Variants in PLCB1 observed in about 807,000 individuals in gnomAD.
PLCB1 encodes the protein phospholipase C beta 1, also known as 1-phosphatidylinositol 4,5-bisphosphate phosphodiesterase beta-1.
A neutral mutation model predicts 161.8 loss-of-function variants in PLCB1; 46 were observed. The observed-to-expected ratio is 0.28, with a 90% CI of 0.22 to 0.36. The LOEUF (loss-of-function observed/expected upper bound fraction) is 0.36. Among genes scored for constraint, PLCB1 ranks in the 10% least tolerant of loss-of-function variants. PLCB1 has a pLI of 1.00. For missense variants in PLCB1, 1,016 were observed against 1,472.5 expected (o/e 0.69, Z 5.07); for synonymous variants, 517 against 503.7 (o/e 1.03, Z -0.35).
chr20:8,580,421 A>G (rs888806908), intron 3 of PLCB1, among the ~76,000 whole-genome samples: 1 of 152,246 alleles, frequency 6.6e-6, no homozygotes, highest in Non-Finnish European at 1.5e-5. Context: ...TCAGTCTTAT[A>G]TAAAGTTTGC....
chr20:8,697,917 G>A, intron 11 of PLCB1, 134 bp downstream of exon 11: 2 of 739,750 alleles, frequency 2.7e-6, no homozygotes, highest in Non-Finnish European at 4.1e-6. Context: ...CAATTTCAGA[G>A]GCTAAAATTT....
In PLCB1 at chr20:8,865,888, G is replaced by A. The variant is rs150914206; in HGVS notation, c.3424-15734G>A. Among the ~76,000 whole-genome samples the A allele has an allele frequency of 1.4e-3, 219 of 152,238 alleles. 1 individual carries two copies. Among genetic ancestry groups the A allele is most frequent in the African/African-American group, 4.7e-3 (197 of 41,558 alleles). ...GGTGCCTGCAAATTTTGAGGATACC[G>A]ACTTATTTTCTGCAATGTAGACCAA... On this transcript the variant is annotated intron_variant, in intron 31 of 31. Coordinates refer to ENST00000338037, the MANE Select transcript of PLCB1 (RefSeq NM_015192.4).
intron 2 of PLCB1, among the ~76,000 whole-genome samples, chr20:8,363,626 A>G (rs1262219535): frequency 6.6e-6 from 1 of 152,168 alleles, no homozygotes; most frequent in African/African-American, 2.4e-5. Context: ...GTGATAGCCC[A>G]GCACCTTTGC....
At chr20:8,850,930 A>C (rs1240447165) in intron 31 of PLCB1, among the ~76,000 whole-genome samples, 1 of 152,244 alleles carries the variant, frequency 6.6e-6, no homozygotes, top group East Asian at 1.9e-4. Context: ...AAAATCTTTA[A>C]GCCAGAGATC....
intron 3 of PLCB1, among the ~76,000 whole-genome samples, chr20:8,533,784 G>A (rs6039181): frequency 0.094 from 14,311 of 151,756 alleles, 858 homozygotes; most frequent in East Asian, 0.21. Context: ...AGATGAGTAG[G>A]TTGCGGAAAT....
chr20:8,236,803 G>T lies in PLCB1; in HGVS notation c.177+86432G>T, dbSNP rs548749801. Among the ~76,000 whole-genome samples the T allele has an allele frequency of 4.6e-5, 7 of 151,732 alleles. No homozygotes were observed. In the South Asian group the frequency reaches 1.5e-3, roughly 32 times the overall value. ...TAAATTAAAGAATAATAGAAATATGGGTAAACGATATGAATGGGAAAGTAA... is the reference window on the plus strand; with the variant it reads ...TAAATTAAAGAATAATAGAAATATGTGTAAACGATATGAATGGGAAAGTAA... On this transcript the variant is annotated intron_variant, in intron 2 of 31. Coordinates refer to ENST00000338037, the MANE Select transcript of PLCB1 (RefSeq NM_015192.4).
At chr20:8,570,026 G>A (rs1986455750) in intron 3 of PLCB1, among the ~76,000 whole-genome samples, 1 of 152,142 alleles carries the variant, frequency 6.6e-6, no homozygotes, top group Admixed American at 6.5e-5. Context: ...AGGTCTGGTT[G>A]TTTCTCTTCA....
chr20:8,372,822 A>G (rs1256561916), intron 3 of PLCB1, among the ~76,000 whole-genome samples: 3 of 152,180 alleles, frequency 2.0e-5, no homozygotes, highest in African/African-American at 7.2e-5. Context: ...TTATCTTTGA[A>G]CCTAAGTTTA....
chr20:8,271,535 A>G (rs1982280372), intron 2 of PLCB1, among the ~76,000 whole-genome samples: 1 of 152,056 alleles, frequency 6.6e-6, no homozygotes, highest in Admixed American at 6.6e-5. Context: ...CATTGTTATT[A>G]CTTTTTGAGT....
intron 2 of PLCB1, among the ~76,000 whole-genome samples, chr20:8,186,831 C>T (rs2051911385): frequency 6.6e-6 from 1 of 152,138 alleles, no homozygotes; most frequent in Non-Finnish European, 1.5e-5. Flanking sequence ...TTGGAAGTGT[C>T]CTGGACTGGC....
At chr20:8,676,911 A>G (rs898766069) in intron 9 of PLCB1, among the ~76,000 whole-genome samples, 5 of 152,234 alleles carry the variant, frequency 3.3e-5, no homozygotes, top group African/African-American at 9.6e-5. Context: ...CCATAGAAAA[A>G]TAACCAAATA....
chr20:8,438,329 C>T (rs186387548), intron 3 of PLCB1, among the ~76,000 whole-genome samples: 1 of 152,214 alleles, frequency 6.6e-6, no homozygotes, highest in East Asian at 1.9e-4. Flanking sequence ...CTAGAATATA[C>T]ATAATATACT....
chr20:8,558,797 C>A (rs1353578565), intron 3 of PLCB1, among the ~76,000 whole-genome samples: 1 of 151,744 alleles, frequency 6.6e-6, no homozygotes, highest in Non-Finnish European at 1.5e-5. Flanking sequence ...AATGCCAAAA[C>A]AGGAGGAAAA....
chr20:8,847,878 T>G (rs570275543), intron 31 of PLCB1, among the ~76,000 whole-genome samples: 2 of 152,198 alleles, frequency 1.3e-5, no homozygotes, highest in African/African-American at 4.8e-5. Context: ...ACAAAATGCC[T>G]GAGACTGGCA....
At chr20:8,649,516 C>A (rs763284621) in intron 7 of PLCB1, 67 bp downstream of exon 7, 9 of 1,104,340 alleles carry the variant, frequency 8.1e-6, no homozygotes, top group Non-Finnish European at 1.3e-5. Flanking sequence ...GAAACTTAAT[C>A]CCCAATATGA....
At chr20:8,223,942 T>C (rs943640236) in intron 2 of PLCB1, among the ~76,000 whole-genome samples, 13 of 152,194 alleles carry the variant, frequency 8.5e-5, no homozygotes, top group African/African-American at 1.7e-4. Flanking sequence ...AGGTAAATTT[T>C]AGTGAGATTT....
At chr20:8,695,905 T>A (rs1479862847) in intron 10 of PLCB1, among the ~76,000 whole-genome samples, 2 of 152,214 alleles carry the variant, frequency 1.3e-5, no homozygotes, top group Non-Finnish European at 2.9e-5. Context: ...TTGGCTTCCA[T>A]GCCCTGTGTA....
intron 2 of PLCB1, among the ~76,000 whole-genome samples, chr20:8,168,032 A>G (rs562682242): frequency 1.7e-4 from 26 of 152,174 alleles, no homozygotes; most frequent in African/African-American, 4.3e-4. Flanking sequence ...GTGGTCTCTC[A>G]TCTTCCAACA....
At chr20:8,340,519 T>G in intron 2 of PLCB1, among the ~76,000 whole-genome samples, 2 of 151,958 alleles carry the variant, frequency 1.3e-5, no homozygotes, top group South Asian at 2.1e-4. Context: ...GCCTCCCGGG[T>G]TCACGCCATT....
Sources: allele counts gnomAD v4.1 joint callset (sites outside exome capture counted in the v4.1 genomes callset), GRCh38; gene constraint gnomAD v4.1.1; transcripts MANE v1.5; gene names NCBI Gene and HGNC (gene_info 2026-07-23, HGNC 2026-07-21).